ROBO2: variants seen among roughly 807,000 people sequenced by gnomAD.
ROBO2 encodes roundabout guidance receptor 2, also known as roundabout homolog 2.
Under a neutral mutation model 160.8 loss-of-function variants are expected in ROBO2, and 53 were observed. The observed-to-expected ratio is 0.33, with a 90% CI of 0.26 to 0.41. The LOEUF (loss-of-function observed/expected upper bound fraction) is 0.41. Ranked by LOEUF, ROBO2 falls within the 10% of genes least tolerant of loss-of-function variation. The pLI is 1.00. For missense variants in ROBO2, 1,577 were observed against 1,722.4 expected, an observed-to-expected ratio of 0.92 and a Z score of 1.49; for synonymous variants, 664 against 611.7, an observed-to-expected ratio of 1.09 and a Z score of -1.26.
chr3:76,003,021 A>G (rs1434952555), intron 2 of ROBO2, among the ~76,000 whole-genome samples: 1 of 152,162 alleles, frequency 6.6e-6, no homozygotes, highest in Non-Finnish European at 1.5e-5. Context: ...TACTCTATCT[A>G]TCCTTTCTTT....
In ROBO2 at chr3:76,967,055, A is replaced by G. The variant is rs146950877; in HGVS notation, c.110-130959A>G. 8.5e-5 allele frequency among the ~76,000 whole-genome samples: 13 copies of G among 152,210 alleles called. No homozygotes were observed. The East Asian group carries it at 1.4e-3, about 16-fold the overall frequency. On this transcript the variant is annotated intron_variant, in intron 2 of 26. Coordinates refer to the ROBO2 transcript ENST00000487694. ...GAGTTCGCTGGGCATATTGTATACAATCCCTCAAATCTCACATCAAACTTG... is the reference window on the plus strand; with the variant it reads ...GAGTTCGCTGGGCATATTGTATACAGTCCCTCAAATCTCACATCAAACTTG...
chr3:76,381,011 A>T (rs1181199450), intron 2 of ROBO2, among the ~76,000 whole-genome samples: 1 of 150,352 alleles, frequency 6.7e-6, no homozygotes, highest in Non-Finnish European at 1.5e-5. Context: ...CTCTGAAAGC[A>T]TTTACAGCTT....
At chr3:76,254,537 A>G (rs1225572281) in intron 2 of ROBO2, among the ~76,000 whole-genome samples, 1 of 152,114 alleles carries the variant, frequency 6.6e-6, no homozygotes, top group Non-Finnish European at 1.5e-5. Flanking sequence ...GCACTTTATA[A>G]ATATACTGTA....
intron 2 of ROBO2, among the ~76,000 whole-genome samples, chr3:76,979,035 T>C (rs2059956441): frequency 6.6e-6 from 1 of 151,994 alleles, no homozygotes; most frequent in African/African-American, 2.4e-5. Flanking sequence ...CTCAACATCT[T>C]GAGCTGAAAT....
Position 76,988,669 on chromosome 3 carries a change from A to G in ROBO2, c.110-109345A>G, listed in dbSNP as rs748617880. 1.5e-4 allele frequency among the ~76,000 whole-genome samples: 23 copies of G among 151,980 alleles called. 1 individual carries two copies. The highest frequency in any genetic ancestry group is 2.9e-4 in the Non-Finnish European group (20 of 67,974). ...TGGTGTTGGCCTGACTTTTAATACC[A>G]CTGTTATTCCCAGTAGATTAATTTT... is the stretch of plus-strand genomic sequence containing the variant. On this transcript the variant is annotated intron_variant, in intron 2 of 26. Coordinates refer to the ROBO2 transcript ENST00000487694.
In ROBO2 at chr3:75,968,065, G is replaced by A. The variant is rs551328546; in HGVS notation, c.109+30463G>A. Among the ~76,000 whole-genome samples the A allele has an allele frequency of 7.9e-5, 12 of 151,560 alleles. No homozygotes were observed. In the East Asian group the frequency reaches 9.8e-4, roughly 12 times the overall value. On this transcript the variant is annotated intron_variant, in intron 2 of 26. Transcript: ENST00000487694. The stretch of plus-strand genomic sequence containing the variant: ...ATTTACAATAGTTTGTTTTTGTTAC[G>A]TTATTTTCGAAAATGGTTGCGATCA...
intron 22 of ROBO2, among the ~76,000 whole-genome samples, chr3:77,621,871 A>G (rs2094908270): frequency 6.6e-6 from 1 of 152,220 alleles, no homozygotes; most frequent in Admixed American, 6.5e-5. Flanking sequence ...CTAAACTGAG[A>G]ACAAAAGTAT....
At chr3:77,626,305 A>G (rs2153709263) in intron 23 of ROBO2, among the ~76,000 whole-genome samples, 1 of 152,320 alleles carries the variant, frequency 6.6e-6, no homozygotes, top group African/African-American at 2.4e-5. Flanking sequence ...CATTTTTTTC[A>G]CATTCAGTTC....
At chr3:76,194,957 C>A (rs1041774960) in intron 2 of ROBO2, among the ~76,000 whole-genome samples, 1 of 152,096 alleles carries the variant, frequency 6.6e-6, no homozygotes, top group Non-Finnish European at 1.5e-5. Flanking sequence ...TGTCAACATG[C>A]TAGCTGACAT....
intron 2 of ROBO2, among the ~76,000 whole-genome samples, chr3:77,191,714 T>C (rs1186998945): frequency 6.6e-6 from 1 of 152,210 alleles, no homozygotes; most frequent in East Asian, 1.9e-4. Flanking sequence ...ACCTGAGAAC[T>C]GACCAATATT....
At chr3:76,817,069 G>T (rs945600168) in intron 2 of ROBO2, among the ~76,000 whole-genome samples, 1 of 151,952 alleles carries the variant, frequency 6.6e-6, no homozygotes, top group African/African-American at 2.4e-5. Flanking sequence ...TGGAGAGTGT[G>T]GGGGGCATTG....
At chr3:77,355,964 T>C (rs2069062373) in intron 2 of ROBO2, among the ~76,000 whole-genome samples, 1 of 151,552 alleles carries the variant, frequency 6.6e-6, no homozygotes, top group Non-Finnish European at 1.5e-5. Context: ...GACAATTAAC[T>C]GAAGAAATAT....
At chr3:76,326,069 T>A (rs2072990924) in intron 2 of ROBO2, among the ~76,000 whole-genome samples, 2 of 152,134 alleles carry the variant, frequency 1.3e-5, no homozygotes, top group South Asian at 4.1e-4. Context: ...GGTGATTAAT[T>A]TTTGATGATG....
chr3:76,930,595 G>A (rs2149049387), intron 2 of ROBO2, among the ~76,000 whole-genome samples: 1 of 152,204 alleles, frequency 6.6e-6, no homozygotes, highest in African/African-American at 2.4e-5. Flanking sequence ...CATTTATTAT[G>A]GAAGGTTGGT....
At chr3:76,939,739 T>C (rs1298899107) in intron 2 of ROBO2, among the ~76,000 whole-genome samples, 1 of 152,006 alleles carries the variant, frequency 6.6e-6, no homozygotes, top group African/African-American at 2.4e-5. Flanking sequence ...AGCTGAGATT[T>C]TGCTGCTGCA....
At chr3:76,608,709 C>A (rs2087848665) in intron 2 of ROBO2, among the ~76,000 whole-genome samples, 1 of 152,112 alleles carries the variant, frequency 6.6e-6, no homozygotes, top group Admixed American at 6.5e-5. Context: ...AGTTTGAGAT[C>A]TTAAATTTAA....
chr3:77,402,139 T>C (rs57296281), intron 2 of ROBO2, among the ~76,000 whole-genome samples: 6,556 of 151,580 alleles, frequency 0.043, 480 homozygotes, highest in African/African-American at 0.15. Flanking sequence ...GGGATATGGA[T>C]GAACCTGGAA....
chr3:76,999,155 C>T (rs2061197895), intron 2 of ROBO2, among the ~76,000 whole-genome samples: 2 of 146,678 alleles, frequency 1.4e-5, no homozygotes, highest in Admixed American at 1.4e-4. Flanking sequence ...AGAAGTTTTC[C>T]TTTTTTTTTT....
At chr3:76,865,224 G>A (rs1167043421) in intron 2 of ROBO2, among the ~76,000 whole-genome samples, 1 of 151,884 alleles carries the variant, frequency 6.6e-6, no homozygotes, top group Non-Finnish European at 1.5e-5. Flanking sequence ...TTTTGTCTGT[G>A]ATTTCACTTT....
Sources: allele counts gnomAD v4.1 joint callset (sites outside exome capture counted in the v4.1 genomes callset), GRCh38; gene constraint gnomAD v4.1.1; transcripts MANE v1.5; gene names NCBI Gene and HGNC (gene_info 2026-07-23, HGNC 2026-07-21).